The following ITPKB variants were observed in gnomAD, a reference collection of about 807,000 sequenced individuals.
ITPKB encodes IP3 3-kinase B.
In ITPKB, 13 loss-of-function variants were observed where a neutral mutation model predicts 69.4. That is an observed-to-expected ratio of 0.19 (90% CI 0.12 to 0.30). The LOEUF is 0.30. ITPKB is among the 10% of genes least tolerant of loss of function. The pLI is 1.00. For missense variants in ITPKB, 1,240 were observed against 1,250.5 expected (o/e 0.99, Z 0.13); for synonymous variants, 584 against 513.7 (o/e 1.14, Z -1.85).
chr1:226,718,376 G>A (rs773800789), intron 2 of ITPKB, among the ~76,000 whole-genome samples: 1 of 151,938 alleles, frequency 6.6e-6, no homozygotes, highest in Non-Finnish European at 1.5e-5. Flanking sequence ...CAGCACTTTG[G>A]GAGGCCAGGA....
chr1:226,678,479 G>T (rs1332747405), intron 2 of ITPKB, among the ~76,000 whole-genome samples: 1 of 152,196 alleles, frequency 6.6e-6, no homozygotes, highest in Non-Finnish European at 1.5e-5. Flanking sequence ...CTAGTCTAGT[G>T]GTTAGGAACA....
chr1:226,672,594 G>T (rs1220878731), intron 2 of ITPKB, among the ~76,000 whole-genome samples: 4 of 152,226 alleles, frequency 2.6e-5, no homozygotes, highest in African/African-American at 9.7e-5. Context: ...GTCTTTCGGT[G>T]TGAGGCATAT....
In ITPKB at chr1:226,637,087, T is replaced by C. The variant is rs1668855894; in HGVS notation, c.2625+592A>G. 6.6e-6 allele frequency among the ~76,000 whole-genome samples: 1 copy of C among 152,076 alleles called. No individual in the cohort carries two copies. The highest frequency in any genetic ancestry group is 2.4e-5 in the African/African-American group (1 of 41,396). On this transcript the variant is annotated intron_variant, in intron 7 of 7. Coordinates refer to ENST00000429204, the MANE Select transcript of ITPKB (RefSeq NM_002221.4). The surrounding 1 kb of genome is among the most constrained non-coding windows in gnomAD (Gnocchi z 4.3). ...GATGAGTGTGGGATCTGTGAATGTG[T>C]GTGTGAATGTGTCATGTGGCTGGGG...
In ITPKB at chr1:226,735,779, G is replaced by C. The variant is rs1190703579; in HGVS notation, c.1680C>G (p.Ala560=). The C allele has an allele frequency of 6.2e-7, 1 of 1,602,362 alleles. No homozygotes were observed. The highest frequency in any genetic ancestry group is 2.2e-5 in the East Asian group (1 of 44,458). Reference sequence around the variant, plus strand: ...CAGCAGGTATGTTGCTGGGGCTGCAGGCCTTCCTCAGGAAAGGCTTGTCCG... The same window carrying C: ...CAGCAGGTATGTTGCTGGGGCTGCACGCCTTCCTCAGGAAAGGCTTGTCCG... ...QDPDKPFLRK[A]CSPSNIPAVI... is the part of the protein sequence containing the mutation. Residue 560 remains alanine (A), a synonymous_variant, in exon 2 of 8, where the codon GCC becomes GCG. Coordinates refer to ENST00000429204, the MANE Select transcript of ITPKB (RefSeq NM_002221.4).
rs570520130 is a variant in ITPKB, at chr1:226,639,453, T to C, written c.2553+104A>G. The C allele has an allele frequency of 4.9e-4, 390 of 788,204 alleles. 4 individuals carry two copies. The South Asian group carries it at 5.3e-3, about 11-fold the overall frequency. 48.8% of individuals were successfully genotyped at this position (788,204 alleles called of 1,614,324 possible). A position where few individuals can be genotyped will look rare whatever the true frequency, so the allele number is the denominator to read the frequency against. ...CCTACGAACTCGGGCTGGGGTGTGC[T>C]GTCCCTGGGGGTGCCTTGTCCTCCC... On this transcript the variant is annotated intron_variant, in intron 6 of 7. Coordinates refer to ENST00000429204, the MANE Select transcript of ITPKB (RefSeq NM_002221.4).
In ITPKB at chr1:226,738,991, A is replaced by T. The variant is rs1657909450; in HGVS notation, c.-206+50T>A. The stretch of plus-strand genomic sequence containing the variant: ...TTCGCTCCAGAGCAGAAAGTGAGGG[A>T]AAAGAGGGTTGTTCAGAGGCGAGAG... On this transcript the variant is annotated intron_variant, in intron 1 of 7. Coordinates refer to ENST00000429204, the MANE Select transcript of ITPKB (RefSeq NM_002221.4). The surrounding 1 kb of genome is among the most constrained non-coding windows in gnomAD (Gnocchi z 4.2). The T allele has an allele frequency of 6.6e-6, 1 of 152,208 alleles. No individual in the cohort carries two copies. Among genetic ancestry groups the T allele is most frequent in the African/African-American group, 2.4e-5 (1 of 41,434 alleles). 9.4% of individuals were successfully genotyped at this position (152,208 alleles called of 1,614,324 possible).
chr1:226,699,313 C>A (rs1440253949), intron 2 of ITPKB, among the ~76,000 whole-genome samples: 1 of 152,226 alleles, frequency 6.6e-6, no homozygotes, highest in Non-Finnish European at 1.5e-5. Flanking sequence ...ATCTCTGCAC[C>A]GCCAAGCACC....
intron 2 of ITPKB, among the ~76,000 whole-genome samples, chr1:226,700,154 G>A (rs541781914): frequency 6.6e-5 from 10 of 152,214 alleles, no homozygotes; most frequent in East Asian, 3.9e-4. Flanking sequence ...TGGTAACACC[G>A]TCATAGACAC....
At chr1:226,685,559 G>A (rs1656187449) in intron 2 of ITPKB, among the ~76,000 whole-genome samples, 1 of 152,156 alleles carries the variant, frequency 6.6e-6, no homozygotes, top group Non-Finnish European at 1.5e-5. Context: ...CTCCAGGGCA[G>A]TAGCTGTTCT....
intron 2 of ITPKB, among the ~76,000 whole-genome samples, chr1:226,720,445 G>C (rs1657207543): frequency 6.6e-6 from 1 of 152,196 alleles, no homozygotes; most frequent in Non-Finnish European, 1.5e-5. Flanking sequence ...GACAGGGTAG[G>C]AACTTGGGAG....
In ITPKB at chr1:226,641,869, C is replaced by G; in HGVS notation, c.2451+52G>C. Reference sequence around the variant, plus strand: ...AAGGGCGCTGAGAGAAGCCAAGCCCCCTGAGGTGGGCACGGGTGGGGCCCG... The same window carrying G: ...AAGGGCGCTGAGAGAAGCCAAGCCCGCTGAGGTGGGCACGGGTGGGGCCCG... On this transcript the variant is annotated intron_variant, in intron 5 of 7. Transcript: ENST00000429204. This position sits in a 1 kb window ranked among gnomAD's most constrained non-coding sequence, Gnocchi z 4.6. 1 of 1,526,668 alleles carries G rather than the reference C, an allele frequency of 6.6e-7. No homozygotes were observed. The highest frequency in any genetic ancestry group is 9.0e-7 in the Non-Finnish European group (1 of 1,111,318). The allele number at this position is 1,526,668 out of a possible 1,614,324, so 94.6% of individuals were successfully genotyped here. A position where few individuals can be genotyped will look rare whatever the true frequency, so the allele number is the denominator to read the frequency against.
rs1267014193 is a variant in ITPKB at position 226,649,849 on chromosome 1, A to AC, written c.1933-1079_1933-1078insG. ...GCAAAAACAAACAAAACAAAACAAA[A>AC]AAACAAAAAAAAAACATATTTTTAG... On this transcript the variant is annotated intron_variant, in intron 2 of 7. Transcript: ENST00000429204. 6.9e-5 allele frequency among the ~76,000 whole-genome samples: 10 copies of AC among 144,688 alleles called. No homozygotes were observed. The South Asian group carries it at 2.0e-3, about 29-fold the overall frequency. 94.9% of individuals were successfully genotyped at this position (144,688 alleles called of 152,430 possible). A position where few individuals can be genotyped will look rare whatever the true frequency, so the allele number is the denominator to read the frequency against.
Position 226,735,677 on chromosome 1 carries a change from G to T in ITPKB, c.1782C>A (p.Pro594=), listed in dbSNP as rs1430724995. ...ETQGSPRGNL[P]LRKLSSSSAS... ...CCGAGGAAGAGGACAGTTTCCTCAG[G>T]GGCAGGTTGCCCCGAGGGCTTCCCT... The change falls in exon 2 of 8, where the codon CCC becomes CCA. Residue 594 remains proline, a synonymous_variant. Transcript: ENST00000429204. The T allele has an allele frequency of 4.4e-6, 7 of 1,608,138 alleles. No individual in the cohort carries two copies. The highest frequency in any genetic ancestry group is 5.9e-6 in the Non-Finnish European group (7 of 1,176,864).
rs374671537 is a variant in ITPKB, at chr1:226,693,883, C to T, written c.1932+41644G>A. ...AATTCAAATGATCCATGCGGCCCTACCCACAATGGGTTCTCACAGCACACC... is the reference window on the plus strand; with the variant it reads ...AATTCAAATGATCCATGCGGCCCTATCCACAATGGGTTCTCACAGCACACC... On this transcript the variant is annotated intron_variant, in intron 2 of 7. Coordinates refer to ENST00000429204, the MANE Select transcript of ITPKB (RefSeq NM_002221.4). Among the ~76,000 whole-genome samples, 20 of 152,346 alleles carry T rather than the reference C, an allele frequency of 1.3e-4. No individual in the cohort carries two copies. The South Asian group carries it at 3.9e-3, about 30-fold the overall frequency.
chr1:226,702,417 G>C (rs61835603), intron 2 of ITPKB, among the ~76,000 whole-genome samples: 1 of 151,632 alleles, frequency 6.6e-6, no homozygotes, highest in African/African-American at 2.4e-5. Flanking sequence ...AAAAAAAAGG[G>C]AAAGTTCAAC....
rs1657745386 is a variant in ITPKB, at chr1:226,736,063, C to T, written c.1396G>A (p.Val466Met). Residue 466 changes from valine to methionine, a missense_variant, in exon 2 of 8, where the codon GTG becomes ATG. Physicochemically the swap from Val to Met is conservative, Grantham distance 21. Transcript: ENST00000429204. ...SPSAQPGTGNVEAGIPSGRML... is the reference protein window; with the variant it reads ...SPSAQPGTGNMEAGIPSGRML... ...CTGCCAGAAGGAATTCCCGCCTCCA[C>T]ATTCCCGGTCCCCGGCTGTGCTGAG... 1 of 1,613,158 alleles carries T rather than the reference C, an allele frequency of 6.2e-7. No individual in the cohort carries two copies. Among genetic ancestry groups the T allele is most frequent in the African/African-American group, 1.3e-5 (1 of 75,076 alleles).
intron 2 of ITPKB, among the ~76,000 whole-genome samples, chr1:226,654,056 A>T (rs1022322554): frequency 6.6e-6 from 1 of 152,112 alleles, no homozygotes; most frequent in African/African-American, 2.4e-5. Context: ...GAAAGAAAGG[A>T]TCAGAAAACA....
chr1:226,646,047 TCA>T (rs998925523), intron 4 of ITPKB, among the ~76,000 whole-genome samples: 16 of 152,094 alleles, frequency 1.1e-4, no homozygotes, highest in African/African-American at 3.9e-4. Flanking sequence ...TCTCTCTCTC[TCA>T]CACACACACC....
intron 2 of ITPKB, among the ~76,000 whole-genome samples, chr1:226,677,620 C>T (rs996015072): frequency 3.3e-5 from 5 of 152,166 alleles, no homozygotes; most frequent in Admixed American, 6.5e-5. Context: ...CTGCTTCTGC[C>T]GGATACCACT....
Sources: gnomAD v4.1 joint callset for allele counts (sites outside exome capture counted in the v4.1 genomes callset) on GRCh38, gnomAD v4.1.1 for gene constraint, Gnocchi (gnomAD v3.1) non-coding constraint, MANE v1.5 for transcripts, NCBI Gene and HGNC (gene_info 2026-07-23, HGNC 2026-07-21) for gene names.